GLUL: variants seen among roughly 807,000 people sequenced by gnomAD.
GLUL encodes the protein glutamine synthetase.
In GLUL, 8 loss-of-function variants were observed where a neutral mutation model predicts 36.9. That is an observed-to-expected ratio of 0.22 (90% CI 0.13 to 0.39). GLUL has a LOEUF of 0.39. Ranked by LOEUF, GLUL falls within the 10% of genes least tolerant of loss-of-function variation. GLUL has a pLI of 1.00. For missense variants in GLUL, 315 were observed against 501.8 expected (o/e 0.63, Z 3.56); for synonymous variants, 182 against 172.8 (o/e 1.05, Z -0.42).
intron 3 of GLUL, chr1:182,386,837 A>G (rs552199151): frequency 3.9e-6 from 2 of 510,476 alleles, no homozygotes; most frequent in South Asian, 4.2e-5. Context: ...ATTGGTTTAC[A>G]TTTGTCCTGG....
intron 6 of GLUL, chr1:182,384,937 C>G: frequency 3.3e-6 from 2 of 599,796 alleles, no homozygotes; most frequent in South Asian, 1.9e-5. Context: ...ACTTTCTCCC[C>G]CTCATAAGCA....
At position 182,379,780 on chromosome 1, in the gene GLUL, C is replaced by T. The variant is rs1486139141; in HGVS notation, c.*4625G>A. On this transcript the variant is annotated 3_prime_UTR_variant, in exon 7 of 7. Transcript: ENST00000331872. Reference sequence around the variant, plus strand: ...CGAACTTCTGAGCTCAAGTGATCTACCTGCCTCGGCTTTTCAAAGTGCTGG... The same window carrying T: ...CGAACTTCTGAGCTCAAGTGATCTATCTGCCTCGGCTTTTCAAAGTGCTGG... Among the ~76,000 whole-genome samples the T allele has an allele frequency of 6.6e-6, 1 of 151,960 alleles. No homozygotes were observed.
rs754166159 is a variant in GLUL at position 182,386,406 on chromosome 1, GA to G, written c.329-5del. ...CAGGTGTGCCTCAAATTGGTCTCTA[GA>G]AAAAAGAGTCAATAATACGCCATCA... On this transcript the variant is annotated splice_polypyrimidine_tract_variant and splice_region_variant and intron_variant, in intron 3 of 6. Transcript: ENST00000331872. 2.5e-6 allele frequency: 4 copies of G among 1,603,670 alleles called. No individual in the cohort carries two copies. The highest frequency in any genetic ancestry group is 3.4e-6 in the Non-Finnish European group (4 of 1,170,626).
intron 6 of GLUL, 168 bp from the exon 7 acceptor site, chr1:182,384,891 A>G: frequency 1.5e-6 from 1 of 657,144 alleles, no homozygotes; most frequent in Non-Finnish European, 2.7e-6. Context: ...CAAGCAGTAC[A>G]AAGTTACTGT....
rs1247296854 is a variant in GLUL at position 182,380,717 on chromosome 1, A to G, written c.*3688T>C. 6.6e-6 allele frequency among the ~76,000 whole-genome samples: 1 copy of G among 152,268 alleles called. No individual in the cohort carries two copies. The highest frequency in any genetic ancestry group is 1.5e-5 in the Non-Finnish European group (1 of 68,046). On this transcript the variant is annotated 3_prime_UTR_variant, in exon 7 of 7. Transcript: ENST00000331872. Reference sequence around the variant, plus strand: ...GCTCACAAAACTGATACTTAAAAATAACTTATTAAATAAGTATTGCAGGCA... The same window carrying G: ...GCTCACAAAACTGATACTTAAAAATGACTTATTAAATAAGTATTGCAGGCA...
rs1383237665 is a variant in GLUL, at chr1:182,380,111, G to A, written c.*4294C>T. ...GATCCACCTGCCTCGGCCTCTCAAG[G>A]TGCTGGGATTATAGGCATGAGCCAC... On this transcript the variant is annotated 3_prime_UTR_variant, in exon 7 of 7. Coordinates refer to ENST00000331872, the MANE Select transcript of GLUL (RefSeq NM_001033044.4). Among the ~76,000 whole-genome samples, 1 of 152,108 alleles carries A rather than the reference G, an allele frequency of 6.6e-6. No homozygotes were observed. Among genetic ancestry groups the A allele is most frequent in the Non-Finnish European group, 1.5e-5 (1 of 68,020 alleles).
At chr1:182,390,958 T>A (rs1396892288) in intron 1 of GLUL, 1 of 396,652 alleles carries the variant, frequency 2.5e-6, no homozygotes, top group Non-Finnish European at 4.4e-6. Context: ...CGTCCGAATC[T>A]CAGGGCCTCA....
At chr1:182,386,712 C>T (rs1033387636) in intron 3 of GLUL, 14 of 485,404 alleles carry the variant, frequency 2.9e-5, no homozygotes, top group African/African-American at 2.7e-4. Context: ...TCCCAAGCAC[C>T]AAATGCCAGG....
intron 1 of GLUL, chr1:182,391,108 T>C (rs1329538823): frequency 2.5e-6 from 1 of 398,360 alleles, no homozygotes; most frequent in Non-Finnish European, 4.4e-6. Flanking sequence ...GGGCTCTCCA[T>C]TGTTCGGTCA....
In GLUL at chr1:182,380,659, ACAGT is replaced by A. The variant is rs778490637; in HGVS notation, c.*3742_*3745del. Reference sequence around the variant, plus strand: ...TTGCTGTCATGGCCAGAGTTAAAATACAGTCAAACAACAAAGACCTCATAGAGTT... The same window carrying A: ...TTGCTGTCATGGCCAGAGTTAAAATACAAACAACAAAGACCTCATAGAGTT... On this transcript the variant is annotated 3_prime_UTR_variant, in exon 7 of 7. Transcript: ENST00000331872. Among the ~76,000 whole-genome samples the A allele has an allele frequency of 6.6e-6, 1 of 152,228 alleles. No homozygotes were observed. Among genetic ancestry groups the A allele is most frequent in the African/African-American group, 2.4e-5 (1 of 41,470 alleles).
chr1:182,390,444 G>A (rs932766539), intron 1 of GLUL: 14 of 398,668 alleles, frequency 3.5e-5, no homozygotes, highest in Non-Finnish European at 5.3e-5. Context: ...GTTTTCAGCA[G>A]TTTCTGCAGC....
At position 182,385,772 on chromosome 1, in the gene GLUL, G is replaced by A. The variant is rs542184486; in HGVS notation, c.591C>T (p.Val197=). The A allele has an allele frequency of 2.5e-6, 4 of 1,614,166 alleles. No individual in the cohort carries two copies. Among genetic ancestry groups the A allele is most frequent in the African/African-American group, 2.7e-5 (2 of 75,038 alleles). The stretch of plus-strand genomic sequence containing the variant: ...GAGCTATACTTACCTGGGCAGGCAT[G>A]ACCTCGGCATTAGTCCCCGCAATCT... ...GVKIAGTNAE[V]MPAQWEFQIG... Residue 197 remains valine (V), a synonymous_variant, in exon 5 of 7, where the codon GTC becomes GTT. Coordinates refer to ENST00000331872, the MANE Select transcript of GLUL (RefSeq NM_001033044.4).
chr1:182,388,843 AGAGTGT>A (rs1650288324), intron 1 of GLUL, 93 bp from the exon 2 acceptor site: 1 of 954,520 alleles, frequency 1.0e-6, no homozygotes, highest in Admixed American at 1.7e-5. Flanking sequence ...ATCAAAAGTC[AGAGTGT>A]AAGTGCCAAC....
intron 1 of GLUL, 182 bp downstream of exon 1, chr1:182,391,497 A>G (rs912900): frequency 0.8 from 281,900 of 351,180 alleles, 113,634 homozygotes; most frequent in African/African-American, 0.93. Context: ...CCAAGCCACC[A>G]GCGGCGGAAG....
Position 182,380,006 on chromosome 1 carries a change from G to A in GLUL, c.*4399C>T, listed in dbSNP as rs138359834. Among the ~76,000 whole-genome samples the A allele has an allele frequency of 4.7e-4, 72 of 151,794 alleles. No homozygotes were observed. Among genetic ancestry groups the A allele is most frequent in the African/African-American group, 1.6e-3 (66 of 41,362 alleles). ...ATTACAGGCATGTGCCACCACGCCC[G>A]GCTAATTTTTTGTATTTAGTAGAGA... On this transcript the variant is annotated 3_prime_UTR_variant, in exon 7 of 7. Transcript: ENST00000331872.
At chr1:182,388,485 C>T in intron 2 of GLUL, 87 bp downstream of exon 2, 1 of 1,150,572 alleles carries the variant, frequency 8.7e-7, no homozygotes, top group Non-Finnish European at 1.3e-6. Context: ...AAGAAAGAGG[C>T]CTAATCCAGA....
rs78681284 is a variant in GLUL at position 182,387,331 on chromosome 1, A to G, written c.167-39T>C. On this transcript the variant is annotated intron_variant, in intron 2 of 6. Coordinates refer to ENST00000331872, the MANE Select transcript of GLUL (RefSeq NM_001033044.4). ...AGGGAAAATTACATTTAAAACATACAGGAGCTTTCCAAGCAATGCAAATAC... is the reference window on the plus strand; with the variant it reads ...AGGGAAAATTACATTTAAAACATACGGGAGCTTTCCAAGCAATGCAAATAC... 2.0e-4 allele frequency: 305 copies of G among 1,520,094 alleles called. No homozygotes were observed. The African/African-American group carries it at 3.8e-3, about 19-fold the overall frequency. 94.2% of individuals were successfully genotyped at this position (1,520,094 alleles called of 1,614,324 possible).
At chr1:182,385,653 G>A (rs1381802789) in intron 5 of GLUL, 97 bp from the exon 6 acceptor site, 31 of 1,552,134 alleles carry the variant, frequency 2.0e-5, no homozygotes, top group Non-Finnish European at 2.5e-5. Flanking sequence ...ACTCCAACCC[G>A]TTCTTAGGTT....
intron 3 of GLUL, chr1:182,386,711 C>T (rs182684279): frequency 9.4e-4 from 455 of 486,342 alleles, no homozygotes; most frequent in Middle Eastern, 2.4e-3. Context: ...CTCCCAAGCA[C>T]CAAATGCCAG....
Sources: allele counts gnomAD v4.1 joint callset (sites outside exome capture counted in the v4.1 genomes callset), GRCh38; gene constraint gnomAD v4.1.1; transcripts MANE v1.5; gene names NCBI Gene and HGNC (gene_info 2026-07-23, HGNC 2026-07-21).